CENPV: variants seen among roughly 807,000 people sequenced by gnomAD.
CENPV encodes the protein nuclear protein p30.
Under a neutral mutation model 26.4 loss-of-function variants are expected in CENPV, and 15 were observed. That is an observed-to-expected ratio of 0.57 (90% CI 0.38 to 0.88). The LOEUF is 0.88. CENPV is among the 40% of genes least tolerant of loss of function. The pLI is 0.00. For synonymous variants in CENPV, 172 were observed against 165.5 expected, an observed-to-expected ratio of 1.04 and a Z score of -0.30; for missense variants, 336 against 376.5, an observed-to-expected ratio of 0.89 and a Z score of 0.89.
At chr17:16,346,912 A>G (rs2093209337) in intron 3 of CENPV, among the ~76,000 whole-genome samples, 2 of 151,324 alleles carry the variant, frequency 1.3e-5, no homozygotes, top group East Asian at 2.0e-4. Context: ...GTGCAGTGGT[A>G]TGACGACAGC....
intron 3 of CENPV, among the ~76,000 whole-genome samples, chr17:16,346,314 G>T (rs149027061): frequency 5.9e-5 from 9 of 152,294 alleles, no homozygotes; most frequent in African/African-American, 1.9e-4. Flanking sequence ...GAAGGCTAAA[G>T]ATTGGAAAAA....
In CENPV at chr17:16,353,171, G is replaced by A. The variant is rs2093234820; in HGVS notation, c.266C>T (p.Pro89Leu). The A allele has an allele frequency of 1.4e-6, 2 of 1,428,748 alleles. No homozygotes were observed. Among genetic ancestry groups the A allele is most frequent in the African/African-American group, 1.5e-5 (1 of 67,706 alleles). The allele number at this position is 1,428,748 out of a possible 1,614,324, so 88.5% of individuals were successfully genotyped here. A position where few individuals can be genotyped will look rare whatever the true frequency, so the allele number is the denominator to read the frequency against. The change falls in exon 1 of 5, where the codon CCG (proline) becomes CTG (leucine). Residue 89 changes from proline (P) to leucine (L), a missense_variant. Pro to Leu is a moderately conservative substitution (Grantham distance 98). Coordinates refer to ENST00000299736, the MANE Select transcript of CENPV (RefSeq NM_181716.3). Reference protein sequence around the residue: ...PPPELALLPPPPPPPPTPATP... With the variant: ...PPPELALLPPLPPPPPTPATP... ...CGCGGGAGTCGGCGGCGGCGGCGGC[G>A]GTGGCGGGAGCAACGCCAGCTCAGG...
intron 3 of CENPV, among the ~76,000 whole-genome samples, chr17:16,346,421 AAACT>A (rs1257429880): frequency 1.7e-4 from 26 of 152,328 alleles, no homozygotes; most frequent in Non-Finnish European, 2.9e-5. Flanking sequence ...CAGCTCTACA[AAACT>A]AACATGGAAC....
At chr17:16,344,482 A>G (rs1198367672) in intron 4 of CENPV, 115 bp downstream of exon 4, 1 of 496,266 alleles carries the variant, frequency 2.0e-6, no homozygotes, top group Non-Finnish European at 3.6e-6. Context: ...TTCCTCTAAG[A>G]TACGCATGTG....
chr17:16,346,990 A>G lies in CENPV; in HGVS notation c.579+1626T>C, dbSNP rs1229177199. On this transcript the variant is annotated intron_variant, in intron 3 of 4. Coordinates refer to ENST00000299736, the MANE Select transcript of CENPV (RefSeq NM_181716.3). ...CTCAGCCTCCCGAGTACCTGGGACTATAGGCATGCAACACCACACCTAGCC... is the reference window on the plus strand; with the variant it reads ...CTCAGCCTCCCGAGTACCTGGGACTGTAGGCATGCAACACCACACCTAGCC... Among the ~76,000 whole-genome samples, 3 of 151,976 alleles carry G rather than the reference A, an allele frequency of 2.0e-5. No individual in the cohort carries two copies. The East Asian group carries it at 5.9e-4, about 30-fold the overall frequency.
At chr17:16,349,194 C>T in intron 2 of CENPV, 2 of 989,842 alleles carry the variant, frequency 2.0e-6, no homozygotes, top group Non-Finnish European at 2.4e-6. Flanking sequence ...TGAAAAAGTT[C>T]TAATTTAGCA....
At chr17:16,349,469 A>G in intron 2 of CENPV, 1 of 986,568 alleles carries the variant, frequency 1.0e-6, no homozygotes, top group South Asian at 4.7e-5. Context: ...CACAGCCAGC[A>G]GTGCCATCTG....
chr17:16,348,345 T>A, intron 3 of CENPV: 1 of 540,386 alleles, frequency 1.9e-6, no homozygotes, highest in South Asian at 3.6e-5. Flanking sequence ...TTAGTAGAGA[T>A]AGGGTTTCAC....
Position 16,353,371 on chromosome 17 carries a change from C to A in CENPV, c.66G>T (p.Ala22=). ...CAGCGGCCGCGGAGGCCGCGGGGGCCGCGGAGGCCCCGGACCGCTTCTGCC... is the reference window on the plus strand; with the variant it reads ...CAGCGGCCGCGGAGGCCGCGGGGGCAGCGGAGGCCCCGGACCGCTTCTGCC... ...LRGQKRSGAS[A]APAASAAAAL... Residue 22 remains alanine (A), a synonymous_variant, in exon 1 of 5, where the codon GCG becomes GCT. Coordinates refer to ENST00000299736, the MANE Select transcript of CENPV (RefSeq NM_181716.3). 1 of 1,236,118 alleles carries A rather than the reference C, an allele frequency of 8.1e-7. No homozygotes were observed. Among genetic ancestry groups the A allele is most frequent in the Non-Finnish European group, 1.0e-6 (1 of 994,710 alleles). 76.6% of individuals were successfully genotyped at this position (1,236,118 alleles called of 1,614,324 possible). A position where few individuals can be genotyped will look rare whatever the true frequency, so the allele number is the denominator to read the frequency against.
Position 16,353,377 on chromosome 17 carries a change from G to C in CENPV, c.60C>G (p.Ala20=), listed in dbSNP as rs902476817. 43 of 1,230,358 alleles carry C rather than the reference G, an allele frequency of 3.5e-5. No homozygotes were observed. The highest frequency in any genetic ancestry group is 4.3e-5 in the Non-Finnish European group (43 of 989,776). The allele number at this position is 1,230,358 out of a possible 1,614,324, so 76.2% of individuals were successfully genotyped here. A position where few individuals can be genotyped will look rare whatever the true frequency, so the allele number is the denominator to read the frequency against. The change falls in exon 1 of 5, where the codon GCC becomes GCG. Residue 20 remains alanine (A), a synonymous_variant. Transcript: ENST00000299736. ...AKLRGQKRSG[A]SAAPAASAAA... ...CCGCGGAGGCCGCGGGGGCCGCGGA[G>C]GCCCCGGACCGCTTCTGCCCGCGCA...
At chr17:16,346,732 C>T (rs1307267311) in intron 3 of CENPV, among the ~76,000 whole-genome samples, 1 of 151,224 alleles carries the variant, frequency 6.6e-6, no homozygotes, top group Non-Finnish European at 1.5e-5. Flanking sequence ...GCCTGGGCAA[C>T]AGAGTGAGAC....
chr17:16,353,347 A>G lies in CENPV; in HGVS notation c.90T>C (p.Ala30=), dbSNP rs1286839576. ...TGCGGGTGGCGCTGGGTGCCAAGGC[A>G]GCGGCCGCGGAGGCCGCGGGGGCCG... ...ASAAPAASAA[A]ALAPSATRTR... The change falls in exon 1 of 5, where the codon GCT becomes GCC. Residue 30 remains alanine, a synonymous_variant. Coordinates refer to ENST00000299736, the MANE Select transcript of CENPV (RefSeq NM_181716.3). 1.1e-4 allele frequency: 144 copies of G among 1,300,468 alleles called. No individual in the cohort carries two copies. The highest frequency in any genetic ancestry group is 2.8e-4 in the East Asian group (8 of 28,836). 80.6% of individuals were successfully genotyped at this position (1,300,468 alleles called of 1,614,324 possible).
Position 16,353,267 on chromosome 17 carries a change from G to C in CENPV, c.170C>G (p.Pro57Arg). 2.1e-6 allele frequency: 3 copies of C among 1,419,044 alleles called. No homozygotes were observed. Among genetic ancestry groups the C allele is most frequent in the Non-Finnish European group, 2.8e-6 (3 of 1,087,114 alleles). The allele number at this position is 1,419,044 out of a possible 1,614,324, so 87.9% of individuals were successfully genotyped here. ...GCGCCTCAGCCGCGGCTTCTCCGAC[G>C]GCGGCTTCTCCACCGCCTGGCTCTT... ...GSKSQAVEKP[P>R]SEKPRLRRSS... is the part of the protein sequence containing the mutation. The change falls in exon 1 of 5, where the codon CCG (proline) becomes CGG (arginine). Residue 57 changes from proline to arginine, a missense_variant. Transcript: ENST00000299736.
At chr17:16,349,644 C>A in intron 2 of CENPV, 1 of 1,158,274 alleles carries the variant, frequency 8.6e-7, no homozygotes. Context: ...AGCTAACCGC[C>A]CCCGGCTCCT....
Position 16,344,599 on chromosome 17 carries a change from A to T in CENPV, c.692T>A (p.Phe231Tyr), listed in dbSNP as rs1055059014. 5.8e-6 allele frequency: 9 copies of T among 1,564,530 alleles called. No homozygotes were observed. The highest frequency in any genetic ancestry group is 1.4e-5 in the African/African-American group (1 of 71,808). ...TGCAGTCCATCCCCTTTACTCACCG[A>T]AGCCTCCGGGGTTTGATCGTGGAGT... ...FYTPRSNPGGFGIAPHCLDEG... is the reference protein window; with the variant it reads ...FYTPRSNPGGYGIAPHCLDEG... The change falls in exon 4 of 5, where the codon TTC becomes TAC. Residue 231 changes from phenylalanine (F) to tyrosine (Y), a missense_variant and splice_region_variant. Around this residue, in one of 2 missense-constraint regions of CENPV, gnomAD observed 155 missense variants for 227.8 expected, o/e 0.68. Transcript: ENST00000299736.
chr17:16,353,349 CGGCCGCGGAGGCCGCGGG>C lies in CENPV; in HGVS notation c.70_87del (p.Pro24_Ala29del), dbSNP rs1043529116. On this transcript the variant is annotated inframe_deletion, in exon 1 of 5. Coordinates refer to ENST00000299736, the MANE Select transcript of CENPV (RefSeq NM_181716.3). ...CGGGTGGCGCTGGGTGCCAAGGCAGCGGCCGCGGAGGCCGCGGGGGCCGCGGAGGCCCCGGACCGCTTC... is the reference window on the plus strand; with the variant it reads ...CGGGTGGCGCTGGGTGCCAAGGCAGCGGCCGCGGAGGCCCCGGACCGCTTC... The C allele has an allele frequency of 3.5e-4, 448 of 1,286,222 alleles. 3 individuals are homozygous for C. The highest frequency in any genetic ancestry group is 1.1e-3 in the African/African-American group (67 of 59,438). The allele number at this position is 1,286,222 out of a possible 1,614,324, so 79.7% of individuals were successfully genotyped here. A position where few individuals can be genotyped will look rare whatever the true frequency, so the allele number is the denominator to read the frequency against.
At chr17:16,344,783 T>A in intron 3 of CENPV, 72 bp from the exon 4 acceptor site, 1 of 890,766 alleles carries the variant, frequency 1.1e-6, no homozygotes, top group Non-Finnish European at 1.6e-6. Flanking sequence ...TATTTATTTA[T>A]TTATTGAGAC....
intron 3 of CENPV, among the ~76,000 whole-genome samples, chr17:16,346,097 T>A (rs531704765): frequency 6.6e-6 from 1 of 152,324 alleles, no homozygotes; most frequent in Admixed American, 6.5e-5. Flanking sequence ...TCAAAGCCGT[T>A]AACATGGTAT....
chr17:16,345,155 G>A (rs561810949), intron 3 of CENPV, among the ~76,000 whole-genome samples: 15 of 151,770 alleles, frequency 9.9e-5, no homozygotes, highest in African/African-American at 3.4e-4. Flanking sequence ...CCAGCTACTC[G>A]GGAGGCTGAG....
Sources: gnomAD v4.1 joint callset for allele counts (sites outside exome capture counted in the v4.1 genomes callset) on GRCh38, gnomAD v4.1.1 for gene constraint, gnomAD v4.1.1 regional missense constraint, MANE v1.5 for transcripts, NCBI Gene and HGNC (gene_info 2026-07-23, HGNC 2026-07-21) for gene names.